ANP32A: variants seen among roughly 807,000 people sequenced by gnomAD.
ANP32A encodes the protein acidic nuclear phosphoprotein 32 family member A, also known as acidic leucine-rich nuclear phosphoprotein 32 family member A.
In ANP32A, 1 loss-of-function variant was observed where a neutral mutation model predicts 33.9. The ratio of observed to expected loss-of-function variants is 0.03; its 90% CI spans 0.01 to 0.14. The LOEUF is 0.14. Among genes scored for constraint, ANP32A ranks in the 10% least tolerant of loss-of-function variants. The pLI is 1.00. For missense variants in ANP32A, 155 were observed against 306.0 expected (o/e 0.51, Z 3.68); for synonymous variants, 115 against 120.5 (o/e 0.95, Z 0.30).
At chr15:68,819,316 G>C (rs1472411046) in intron 1 of ANP32A, among the ~76,000 whole-genome samples, 2 of 152,174 alleles carry the variant, frequency 1.3e-5, no homozygotes, top group African/African-American at 4.8e-5. Context: ...CCAACTCGCC[G>C]AAAACACTCA....
chr15:68,803,782 T>C (rs1455883598), intron 1 of ANP32A, among the ~76,000 whole-genome samples: 3 of 150,634 alleles, frequency 2.0e-5, no homozygotes, highest in African/African-American at 7.3e-5. Flanking sequence ...TGGTTTTATG[T>C]GCTCTATTTC....
At chr15:68,783,820 TCCTGAGCA>T (rs953265493) in intron 4 of ANP32A, among the ~76,000 whole-genome samples, 1 of 152,108 alleles carries the variant, frequency 6.6e-6, no homozygotes, top group Non-Finnish European at 1.5e-5. Context: ...CACCTGGGGC[TCCTGAGCA>T]CCTGAGCCTG....
chr15:68,808,198 TG>T (rs1176432816), intron 1 of ANP32A, among the ~76,000 whole-genome samples: 1 of 152,228 alleles, frequency 6.6e-6, no homozygotes. Flanking sequence ...GGTTCCCAAC[TG>T]TGCTTTAGAG....
chr15:68,812,496 A>G (rs910401698), intron 1 of ANP32A, among the ~76,000 whole-genome samples: 4 of 152,184 alleles, frequency 2.6e-5, no homozygotes, highest in Admixed American at 2.0e-4. Context: ...GAAGCAAGAC[A>G]TAAGGAGAGC....
At chr15:68,790,017 G>A (rs986314680) in intron 1 of ANP32A, 3 of 152,360 alleles carry the variant, frequency 2.0e-5, no homozygotes, top group Admixed American at 2.0e-4. Flanking sequence ...GAGCCAGGAA[G>A]CCAGGCCTTA....
chr15:68,793,064 C>T (rs963864791), intron 1 of ANP32A, among the ~76,000 whole-genome samples: 1 of 152,190 alleles, frequency 6.6e-6, no homozygotes, highest in Non-Finnish European at 1.5e-5. Flanking sequence ...CAACCCAGCT[C>T]TGTGCATCCT....
At chr15:68,812,765 G>A (rs1894329973) in intron 1 of ANP32A, among the ~76,000 whole-genome samples, 1 of 152,110 alleles carries the variant, frequency 6.6e-6, no homozygotes, top group African/African-American at 2.4e-5. Flanking sequence ...GAGGAGCATG[G>A]TGTCGGTTTT....
In ANP32A at chr15:68,778,672, T is replaced by A. The variant is rs546382968; in HGVS notation, c.*1409A>T. On this transcript the variant is annotated 3_prime_UTR_variant, in exon 7 of 7. Coordinates refer to ENST00000465139, the MANE Select transcript of ANP32A (RefSeq NM_006305.4). Reference sequence around the variant, plus strand: ...CCAACTTGATTGTTTGGGTACTTGTTTTTTTAGTAACTCTGTAACTTTTTT... The same window carrying A: ...CCAACTTGATTGTTTGGGTACTTGTATTTTTAGTAACTCTGTAACTTTTTT... The A allele has an allele frequency of 6.6e-6, 1 of 152,228 alleles. No individual in the cohort carries two copies. Among genetic ancestry groups the A allele is most frequent in the African/African-American group, 2.4e-5 (1 of 41,464 alleles). The allele number at this position is 152,228 out of a possible 1,614,324, so 9.4% of individuals were successfully genotyped here.
chr15:68,819,245 C>T (rs965790653), intron 1 of ANP32A, among the ~76,000 whole-genome samples: 12 of 152,002 alleles, frequency 7.9e-5, no homozygotes, highest in Admixed American at 2.0e-4. Flanking sequence ...CCCGCCAGCG[C>T]GTCCCCGGTC....
At chr15:68,809,696 T>C (rs1232029126) in intron 1 of ANP32A, among the ~76,000 whole-genome samples, 1 of 151,450 alleles carries the variant, frequency 6.6e-6, no homozygotes, top group Non-Finnish European at 1.5e-5. Context: ...GGCGTGGGGG[T>C]GCGGGTGTGA....
Position 68,782,964 on chromosome 15 carries a change from C to G in ANP32A, c.616G>C (p.Glu206Gln), listed in dbSNP as rs763894993. The change falls in exon 5 of 7, where the codon GAG (glutamate) becomes CAG (glutamine). Residue 206 changes from glutamate (E) to glutamine (Q), a missense_variant. This residue lies in a region of ANP32A where 63 missense variants were observed against 82.8 expected (regional missense o/e 0.76). Transcript: ENST00000465139. ...CAGCCCAGCCTCCTTACCTCCTCCTCTCCACTCACGTCCTCCTCTTCACCT... is the reference window on the plus strand; with the variant it reads ...CAGCCCAGCCTCCTTACCTCCTCCTGTCCACTCACGTCCTCCTCTTCACCT... ...EEGEEEDVSGEEEEDEEGYND... is the reference protein window; with the variant it reads ...EEGEEEDVSGQEEEDEEGYND... The G allele has an allele frequency of 9.7e-6, 15 of 1,552,008 alleles. No homozygotes were observed. The highest frequency in any genetic ancestry group is 4.4e-6 in the Non-Finnish European group (5 of 1,147,058).
At chr15:68,803,495 C>T (rs543822069) in intron 1 of ANP32A, among the ~76,000 whole-genome samples, 20 of 152,176 alleles carry the variant, frequency 1.3e-4, no homozygotes, top group Non-Finnish European at 2.6e-4. Flanking sequence ...TCTTAGCCTA[C>T]TTTTATTGGA....
In ANP32A at chr15:68,779,405, T is replaced by G. The variant is rs183507403; in HGVS notation, c.*676A>C. 1.3e-5 allele frequency: 2 copies of G among 152,316 alleles called. No individual in the cohort carries two copies. Among genetic ancestry groups the G allele is most frequent in the African/African-American group, 4.8e-5 (2 of 41,560 alleles). 9.4% of individuals were successfully genotyped at this position (152,316 alleles called of 1,614,324 possible). On this transcript the variant is annotated 3_prime_UTR_variant, in exon 7 of 7. Transcript: ENST00000465139. ...TTACCAAATCCATTTTCCTTGTAAC[T>G]TAACACAACAAGCCTGCGGTTTTCA...
chr15:68,809,777 G>T (rs1053174380), intron 1 of ANP32A, among the ~76,000 whole-genome samples: 1 of 152,150 alleles, frequency 6.6e-6, no homozygotes, highest in Non-Finnish European at 1.5e-5. Flanking sequence ...TGACAAGAAG[G>T]TATAAGTACC....
intron 1 of ANP32A, among the ~76,000 whole-genome samples, chr15:68,798,182 C>G (rs1316595621): frequency 1.3e-5 from 2 of 152,352 alleles, no homozygotes; most frequent in East Asian, 3.9e-4. Flanking sequence ...CTTCAGGGAG[C>G]AGCCCAGGGT....
At chr15:68,787,557 A>T in intron 2 of ANP32A, 22 bp from the exon 3 acceptor site, 1 of 1,614,062 alleles carries the variant, frequency 6.2e-7, no homozygotes, top group Non-Finnish European at 8.5e-7. Context: ...AGGGAAAGAA[A>T]AAGCAGAAAC....
intron 1 of ANP32A, among the ~76,000 whole-genome samples, chr15:68,805,207 G>T (rs754140220): frequency 6.6e-6 from 1 of 152,134 alleles, no homozygotes; most frequent in Non-Finnish European, 1.5e-5. Context: ...ACAAATGGGG[G>T]TCCTCCAGGA....
chr15:68,800,856 C>T (rs577364413), intron 1 of ANP32A, among the ~76,000 whole-genome samples: 10 of 151,228 alleles, frequency 6.6e-5, no homozygotes, highest in Admixed American at 3.3e-4. Flanking sequence ...TCAGCAGAGA[C>T]GTAAGGCCAA....
chr15:68,782,479 C>G (rs1434617170), intron 5 of ANP32A, among the ~76,000 whole-genome samples: 1 of 152,168 alleles, frequency 6.6e-6, no homozygotes, highest in African/African-American at 2.4e-5. Flanking sequence ...CAGCCAATCT[C>G]TTTAGGAAAA....
Sources: gnomAD v4.1 joint callset for allele counts (sites outside exome capture counted in the v4.1 genomes callset) on GRCh38, gnomAD v4.1.1 for gene constraint, gnomAD v4.1.1 regional missense constraint, MANE v1.5 for transcripts, NCBI Gene and HGNC (gene_info 2026-07-23, HGNC 2026-07-21) for gene names.